The following ABCA4 variants were observed in gnomAD, a reference collection of about 807,000 sequenced individuals.
The protein encoded by ABCA4 is retinal-specific phospholipid-transporting ATPase ABCA4.
In ABCA4, 196 loss-of-function variants were observed where a neutral mutation model predicts 263.7. That is an observed-to-expected ratio of 0.74 (90% confidence interval 0.66 to 0.84). The LOEUF (loss-of-function observed/expected upper bound fraction) is 0.84. ABCA4 is among the 40% of genes least tolerant of loss of function. The pLI is 0.00. For synonymous variants in ABCA4, 1,133 were observed against 1,094.2 expected (o/e 1.04, Z -0.70); for missense variants, 2,792 against 2,855.1 (o/e 0.98, Z 0.50).
chr1:93,995,089 T>C (rs1658961305), intron 49 of ABCA4, among the ~76,000 whole-genome samples: 1 of 151,230 alleles, frequency 6.6e-6, no homozygotes, highest in South Asian at 2.1e-4. Flanking sequence ...AAAAGCAAAC[T>C]TTCTGTAACT....
intron 28 of ABCA4, 27 bp downstream of exon 28, chr1:94,030,969 G>C (rs1350335720): frequency 6.2e-7 from 1 of 1,613,724 alleles, no homozygotes; most frequent in Admixed American, 1.7e-5. Context: ...ACCCACAGAG[G>C]AGAATGGTGA....
rs1659914923 is a variant in ABCA4 at position 94,021,953 on chromosome 1, T to C, written c.4668-2A>G. On this transcript the variant is annotated splice_acceptor_variant, in intron 32 of 49. Transcript: ENST00000370225. LOFTEE classifies it high-confidence loss of function. ...CCTCCAATGGAAATTCCTCCATACCTGACAAGGAAACAGGAAATCCTCAGA... is the reference window on the plus strand; with the variant it reads ...CCTCCAATGGAAATTCCTCCATACCCGACAAGGAAACAGGAAATCCTCAGA... The C allele has an allele frequency of 6.2e-7, 1 of 1,613,626 alleles. No homozygotes were observed. Among genetic ancestry groups the C allele is most frequent in the Non-Finnish European group, 8.5e-7 (1 of 1,179,540 alleles).
chr1:94,037,226 G>A lies in ABCA4; in HGVS notation c.3732C>T (p.Ala1244=), dbSNP rs1205622067. Residue 1244 remains alanine, a synonymous_variant, in exon 25 of 50, where the codon GCC becomes GCT. Transcript: ENST00000370225. ...TCTCCTCCAGCTCTCTGAAAAGGCT[G>A]GCATATGCTCTGTGCTTGAAGTTCT... ...PNKNFKHRAY[A]SLFRELEETL... 6.2e-7 allele frequency: 1 copy of A among 1,614,082 alleles called. No homozygotes were observed. The highest frequency in any genetic ancestry group is 1.3e-5 in the African/African-American group (1 of 74,916).
intron 4 of ABCA4, 124 bp from the exon 5 acceptor site, chr1:94,103,266 T>G: frequency 8.0e-7 from 1 of 1,252,560 alleles, no homozygotes; most frequent in Non-Finnish European, 1.1e-6. Context: ...GTTCTTGGGG[T>G]CTCTGGGAGC....
At position 93,993,242 on chromosome 1, in the gene ABCA4, C is replaced by A. The variant is rs1305529425; in HGVS notation, c.6817G>T (p.Asp2273Tyr). The A allele has an allele frequency of 6.2e-7, 1 of 1,613,806 alleles. No individual in the cohort carries two copies. Among genetic ancestry groups the A allele is most frequent in the East Asian group, 2.2e-5 (1 of 44,868 alleles). The change falls in exon 50 of 50, where the codon GAC (aspartate) becomes TAC (tyrosine). Residue 2273 changes from aspartate to tyrosine, a missense_variant and splice_region_variant. Asp to Tyr is a radical substitution (Grantham distance 160). Coordinates refer to ENST00000370225, the MANE Select transcript of ABCA4 (RefSeq NM_000350.3). ...RAAGASRQAQD is the reference protein window; with the variant it reads ...RAAGASRQAQY The stretch of plus-strand genomic sequence containing the variant: ...GGAACGAGCGGTGTGAAAGATCAGT[C>A]CTGTGGAAGGAGATCACATGGACTC...
chr1:94,019,397 C>A, intron 36 of ABCA4, 185 bp downstream of exon 36: 1 of 677,788 alleles, frequency 1.5e-6, no homozygotes, highest in South Asian at 2.0e-5. Context: ...GCTTCGGGCT[C>A]CTAGTTCTGT....
At chr1:94,080,444 A>T (rs764967992) in intron 8 of ABCA4, 34 bp downstream of exon 8, 1 of 1,613,672 alleles carries the variant, frequency 6.2e-7, no homozygotes, top group Admixed American at 1.7e-5. Context: ...CCAACATGAG[A>T]GGCCAATTTA....
At chr1:93,999,343 GC>G (rs1243856598) in intron 47 of ABCA4, among the ~76,000 whole-genome samples, 3 of 152,176 alleles carry the variant, frequency 2.0e-5, no homozygotes, top group Non-Finnish European at 2.9e-5. Flanking sequence ...ACTGCACCTG[GC>G]CGTCAAAGGT....
At chr1:94,005,393 C>T (rs1659349101) in intron 44 of ABCA4, 48 bp downstream of exon 44, 1 of 1,612,652 alleles carries the variant, frequency 6.2e-7, no homozygotes, top group Non-Finnish European at 8.5e-7. Flanking sequence ...ATGAAACAGG[C>T]TTGTAATTAA....
At chr1:94,107,734 C>T (rs1428149829) in intron 4 of ABCA4, among the ~76,000 whole-genome samples, 2 of 152,170 alleles carry the variant, frequency 1.3e-5, no homozygotes, top group Non-Finnish European at 2.9e-5. Flanking sequence ...ACCTTTGCCC[C>T]ACTTCACCAT....
chr1:93,997,876 C>A lies in ABCA4; in HGVS notation c.6714G>T (p.Gln2238His). ...SLLIEEYSVT[Q>H]TTLDQVFVNF... Reference sequence around the variant, plus strand: ...GCCAACTTGCCTGGTCCAGTGTGGTCTGTGTGACTGAGTACTCCTCGATGA... The same window carrying A: ...GCCAACTTGCCTGGTCCAGTGTGGTATGTGTGACTGAGTACTCCTCGATGA... Residue 2238 changes from glutamine (Q) to histidine (H), a missense_variant, in exon 48 of 50, where the codon CAG (glutamine) becomes CAT (histidine). Gln to His is a conservative substitution (Grantham distance 24). Transcript: ENST00000370225. 1.2e-6 allele frequency: 2 copies of A among 1,614,046 alleles called. No homozygotes were observed. Among genetic ancestry groups the A allele is most frequent in the South Asian group, 2.2e-5 (2 of 91,044 alleles).
intron 1 of ABCA4, 88 bp downstream of exon 1, chr1:94,120,892 A>AC: frequency 5.6e-5 from 7 of 125,096 alleles, no homozygotes; most frequent in South Asian, 1.8e-4. Context: ...ACCCTGCCCC[A>AC]CCACCCTACC....
chr1:94,108,393 A>C (rs1349209025), intron 4 of ABCA4, among the ~76,000 whole-genome samples, 184 bp downstream of exon 4: 3 of 151,832 alleles, frequency 2.0e-5, no homozygotes, highest in Non-Finnish European at 4.4e-5. Context: ...CCAACTTCCT[A>C]CCTTCCAGGC....
chr1:94,009,938 G>C (rs1166785141), intron 40 of ABCA4, among the ~76,000 whole-genome samples: 1 of 152,206 alleles, frequency 6.6e-6, no homozygotes, highest in Non-Finnish European at 1.5e-5. Flanking sequence ...TGTGTATCCT[G>C]TTTCATCAGG....
intron 30 of ABCA4, among the ~76,000 whole-genome samples, chr1:94,027,549 G>A (rs1660075645): frequency 6.6e-6 from 1 of 152,220 alleles, no homozygotes; most frequent in African/African-American, 2.4e-5. Context: ...TGATGCAGCA[G>A]ATGAGCTGTG....
chr1:94,008,954 T>C, intron 40 of ABCA4, 83 bp from the exon 41 acceptor site: 1 of 1,571,982 alleles, frequency 6.4e-7, no homozygotes, highest in Non-Finnish European at 8.6e-7. Flanking sequence ...CTCTTCCACT[T>C]CCTTGCTTCT....
At chr1:94,049,106 C>T in intron 17 of ABCA4, 149 bp from the exon 18 acceptor site, 2 of 725,210 alleles carry the variant, frequency 2.8e-6, no homozygotes, top group South Asian at 1.6e-5. Flanking sequence ...AGCCTGATCA[C>T]ACAATCTTTG....
At chr1:94,064,032 CT>C (rs1661201865) in intron 11 of ABCA4, among the ~76,000 whole-genome samples, 1 of 152,072 alleles carries the variant, frequency 6.6e-6, no homozygotes, top group African/African-American at 2.4e-5. Flanking sequence ...TGTTAAAGCA[CT>C]TATATTGCTA....
intron 5 of ABCA4, among the ~76,000 whole-genome samples, chr1:94,102,806 C>T (rs74104518): frequency 6.6e-6 from 1 of 152,274 alleles, no homozygotes; most frequent in African/African-American, 2.4e-5. Context: ...TTAAGGTCAC[C>T]AGGATGTGTA....
Sources: allele counts gnomAD v4.1 joint callset (sites outside exome capture counted in the v4.1 genomes callset), GRCh38; gene constraint gnomAD v4.1.1; transcripts MANE v1.5; gene names NCBI Gene and HGNC (gene_info 2026-07-23, HGNC 2026-07-21).